The following LPP variants were observed in gnomAD, a reference collection of about 807,000 sequenced individuals.
The protein encoded by LPP is lipoma-preferred partner.
Under a neutral mutation model 60.4 loss-of-function variants are expected in LPP, and 38 were observed. The observed-to-expected ratio is 0.63, with a 90% CI of 0.49 to 0.83. The LOEUF (loss-of-function observed/expected upper bound fraction) is 0.83. Ranked by LOEUF, LPP falls within the 40% of genes least tolerant of loss-of-function variation. The pLI, the probability that LPP is intolerant of heterozygous loss-of-function variation, is 0.00. For synonymous variants in LPP, 328 were observed against 290.8 expected (o/e 1.13, Z -1.30); for missense variants, 902 against 783.6 (o/e 1.15, Z -1.80).
At chr3:188,253,922 C>T (rs1730789463) in intron 2 of LPP, among the ~76,000 whole-genome samples, 1 of 152,154 alleles carries the variant, frequency 6.6e-6, no homozygotes, top group Non-Finnish European at 1.5e-5. Flanking sequence ...TCTGTGCTCT[C>T]TCCTGCAAAC....
At chr3:188,431,169 G>T (rs1327055654) in intron 4 of LPP, among the ~76,000 whole-genome samples, 1 of 152,092 alleles carries the variant, frequency 6.6e-6, no homozygotes, top group Admixed American at 6.6e-5. Flanking sequence ...CCAGCCCAAG[G>T]TTGAGAACAC....
At chr3:188,640,392 T>G (rs1250617445) in intron 7 of LPP, among the ~76,000 whole-genome samples, 4 of 132,710 alleles carry the variant, frequency 3.0e-5, no homozygotes, top group Non-Finnish European at 4.8e-5. Flanking sequence ...GGGGGAGGGA[T>G]AGCATTGGGA....
chr3:188,659,877 G>T (rs1206836593), intron 7 of LPP, among the ~76,000 whole-genome samples: 1 of 150,346 alleles, frequency 6.7e-6, no homozygotes, highest in Non-Finnish European at 1.5e-5. Flanking sequence ...CAATCTATAT[G>T]CCCTCTGCTT....
intron 7 of LPP, among the ~76,000 whole-genome samples, chr3:188,692,293 A>G (rs1323645245): frequency 6.6e-6 from 1 of 152,200 alleles, no homozygotes; most frequent in African/African-American, 2.4e-5. Context: ...TCGAGACATC[A>G]CTGACATCTT....
intron 6 of LPP, among the ~76,000 whole-genome samples, chr3:188,607,784 A>C (rs1418754646): frequency 2.0e-5 from 3 of 152,210 alleles, no homozygotes; most frequent in South Asian, 4.1e-4. Flanking sequence ...TTTTGAAAAT[A>C]AAAATGCAGG....
intron 6 of LPP, among the ~76,000 whole-genome samples, chr3:188,531,609 G>C (rs534600446): frequency 9.7e-4 from 147 of 152,228 alleles, no homozygotes; most frequent in Middle Eastern, 3.4e-3. Flanking sequence ...AAAAATCCCT[G>C]AAGTGCAGAG....
At chr3:188,235,828 G>A (rs1158433160) in intron 2 of LPP, among the ~76,000 whole-genome samples, 1 of 152,122 alleles carries the variant, frequency 6.6e-6, no homozygotes, top group Non-Finnish European at 1.5e-5. Context: ...CTACCAGAAT[G>A]CTTTGTGTAT....
chr3:188,259,116 C>G (rs1732686755), intron 2 of LPP, among the ~76,000 whole-genome samples: 1 of 152,096 alleles, frequency 6.6e-6, no homozygotes, highest in South Asian at 2.1e-4. Context: ...TAATTTTACT[C>G]CAGAACATAC....
rs1377858967 is a variant in LPP, at chr3:188,732,717, A to C, written c.1240+24324A>C. ...CTAGCGACAGAGTGAGACTCTTATC[A>C]AAAAAAAAAAAAAAAAAAAGAATAT... On this transcript the variant is annotated intron_variant, in intron 8 of 11. Coordinates refer to ENST00000617246, the MANE Select transcript of LPP (RefSeq NM_001375462.1). 1.0e-3 allele frequency among the ~76,000 whole-genome samples: 53 copies of C among 51,452 alleles called. 1 individual carries two copies. The South Asian group carries it at 0.019, about 19-fold the overall frequency. The allele number at this position is 51,452 out of a possible 152,430, so 33.8% of individuals were successfully genotyped here.
chr3:188,482,625 G>C (rs1560461007), intron 4 of LPP, among the ~76,000 whole-genome samples: 1 of 152,068 alleles, frequency 6.6e-6, no homozygotes, highest in Non-Finnish European at 1.5e-5. Flanking sequence ...ATGGAATTTG[G>C]ACATCAGCAT....
chr3:188,560,969 G>A (rs1055970270), intron 6 of LPP, among the ~76,000 whole-genome samples: 16 of 152,164 alleles, frequency 1.1e-4, no homozygotes, highest in African/African-American at 3.9e-4. Flanking sequence ...TCCCACAGTA[G>A]GTGTTAGTTA....
At chr3:188,441,071 G>A (rs1319136156) in intron 4 of LPP, among the ~76,000 whole-genome samples, 28 of 150,698 alleles carry the variant, frequency 1.9e-4, no homozygotes, top group Admixed American at 1.7e-3. Context: ...TCAGATATAT[G>A]GATTGATTTC....
At chr3:188,488,471 A>G (rs7638476) in intron 5 of LPP, among the ~76,000 whole-genome samples, 30,629 of 151,932 alleles carry the variant, frequency 0.2, 4,715 homozygotes, top group African/African-American at 0.43. Context: ...GTGACACTTC[A>G]GCAATCACTT....
In LPP at chr3:188,877,424, A is replaced by G. The variant is rs899066353; in HGVS notation, c.*2945A>G. The G allele has an allele frequency of 5.4e-6, 1 of 185,570 alleles. No individual in the cohort carries two copies. Among genetic ancestry groups the G allele is most frequent in the Non-Finnish European group, 1.1e-5 (1 of 87,598 alleles). 11.5% of individuals were successfully genotyped at this position (185,570 alleles called of 1,614,324 possible). On this transcript the variant is annotated 3_prime_UTR_variant, in exon 12 of 12. Coordinates refer to ENST00000617246, the MANE Select transcript of LPP (RefSeq NM_001375462.1). ...TTCTGTGTAACAAGAGAGACATGGA[A>G]AAGGAAAAAAATCCACTATATCATG...
At chr3:188,549,285 G>A (rs1478439048) in intron 6 of LPP, among the ~76,000 whole-genome samples, 1 of 152,008 alleles carries the variant, frequency 6.6e-6, no homozygotes, top group Non-Finnish European at 1.5e-5. Flanking sequence ...GGCTGTGCTG[G>A]AATACATCAT....
intron 3 of LPP, among the ~76,000 whole-genome samples, chr3:188,385,606 A>G (rs1189013094): frequency 6.6e-6 from 1 of 152,200 alleles, no homozygotes; most frequent in African/African-American, 2.4e-5. Flanking sequence ...TTAGCTACAT[A>G]TCTCTGCAGA....
At chr3:188,205,391 C>T (rs998632398) in intron 1 of LPP, among the ~76,000 whole-genome samples, 4 of 149,772 alleles carry the variant, frequency 2.7e-5, no homozygotes, top group African/African-American at 9.9e-5. Context: ...AAGCGATTCT[C>T]CTGCTTCAGC....
chr3:188,458,750 T>G (rs569059155), intron 4 of LPP, among the ~76,000 whole-genome samples: 9 of 152,354 alleles, frequency 5.9e-5, no homozygotes, highest in African/African-American at 1.9e-4. Flanking sequence ...GAGAGCTCTT[T>G]TGCAAGATGT....
intron 1 of LPP, among the ~76,000 whole-genome samples, chr3:188,206,858 G>C (rs1447694148): frequency 6.6e-6 from 1 of 152,174 alleles, no homozygotes; most frequent in African/African-American, 2.4e-5. Context: ...AGAGTGCCTA[G>C]TTCACAGGGT....
Sources: allele counts gnomAD v4.1 joint callset (sites outside exome capture counted in the v4.1 genomes callset), GRCh38; gene constraint gnomAD v4.1.1; transcripts MANE v1.5; gene names NCBI Gene and HGNC (gene_info 2026-07-23, HGNC 2026-07-21).